The following FYN variants were observed in gnomAD, a reference collection of about 807,000 sequenced individuals.
FYN encodes FYN proto-oncogene, Src family tyrosine kinase.
FYN carries 10 observed loss-of-function variants against 70.2 expected under a neutral mutation model. The observed-to-expected ratio is 0.14, with a 90% CI of 0.09 to 0.24. FYN has a LOEUF of 0.24. Ranked by LOEUF, FYN falls within the 10% of genes least tolerant of loss-of-function variation. The pLI is 1.00. For synonymous variants in FYN, 236 were observed against 248.6 expected (o/e 0.95, Z 0.48); for missense variants, 319 against 673.1 (o/e 0.47, Z 5.82).
chr6:111,828,793 A>C (rs1772919540), intron 2 of FYN, among the ~76,000 whole-genome samples: 1 of 152,250 alleles, frequency 6.6e-6, no homozygotes, highest in Non-Finnish European at 1.5e-5. Context: ...TATGGATTTT[A>C]AGTTTTCCAA....
At chr6:111,762,820 T>C (rs1803061724) in intron 3 of FYN, among the ~76,000 whole-genome samples, 1 of 152,054 alleles carries the variant, frequency 6.6e-6, no homozygotes, top group African/African-American at 2.4e-5. Flanking sequence ...CCTTGCATAA[T>C]TTTTGTGATA....
chr6:111,714,029 G>A (rs137893704), intron 5 of FYN, among the ~76,000 whole-genome samples: 8 of 152,362 alleles, frequency 5.3e-5, no homozygotes, highest in African/African-American at 1.7e-4. Flanking sequence ...ACTTGAAACT[G>A]TAGGTTTGTA....
intron 2 of FYN, among the ~76,000 whole-genome samples, chr6:111,822,638 A>ACT (rs1167131155): frequency 6.6e-6 from 1 of 151,384 alleles, no homozygotes; most frequent in Non-Finnish European, 1.5e-5. Flanking sequence ...ATATATATAT[A>ACT]TAAAATTTAA....
At chr6:111,822,983 CG>C (rs1002005315) in intron 2 of FYN, among the ~76,000 whole-genome samples, 9 of 152,132 alleles carry the variant, frequency 5.9e-5, no homozygotes, top group African/African-American at 2.2e-4. Context: ...AGGGTAAAAA[CG>C]GGGTGTAAGG....
chr6:111,717,306 A>G (rs372454239), intron 4 of FYN, among the ~76,000 whole-genome samples: 90 of 152,302 alleles, frequency 5.9e-4, no homozygotes, highest in African/African-American at 2.1e-3. Context: ...AAAAAAAGAA[A>G]TTAAATGTGT....
At chr6:111,695,152 A>G (rs1457752534) in intron 10 of FYN, among the ~76,000 whole-genome samples, 2 of 152,204 alleles carry the variant, frequency 1.3e-5, no homozygotes, top group African/African-American at 4.8e-5. Flanking sequence ...AGATATGCAA[A>G]TTCTCAGGTC....
intron 3 of FYN, among the ~76,000 whole-genome samples, chr6:111,759,601 C>T (rs112950424): frequency 6.6e-6 from 1 of 152,174 alleles, no homozygotes; most frequent in Non-Finnish European, 1.5e-5. Context: ...GGTTCCCCCC[C>T]TAGGGGTTCT....
intron 7 of FYN, among the ~76,000 whole-genome samples, chr6:111,703,413 G>A (rs920497495): frequency 2.6e-5 from 4 of 152,150 alleles, no homozygotes; most frequent in Non-Finnish European, 4.4e-5. Flanking sequence ...GGGCATACTG[G>A]GAGGTAGCAG....
chr6:111,815,138 A>G lies in FYN; in HGVS notation c.-82+31451T>C, dbSNP rs528862939. On this transcript the variant is annotated intron_variant, in intron 2 of 13. Coordinates refer to ENST00000354650, the MANE Select transcript of FYN (RefSeq NM_002037.5). ...ATCCAGCTCAATCACACTGGATGAG[A>G]GCTGGAGAGCTGAGAAAGGTTCAGA... Among the ~76,000 whole-genome samples the G allele has an allele frequency of 5.7e-4, 87 of 152,292 alleles. 1 individual carries two copies. The Middle Eastern group carries it at 0.017, about 30-fold the overall frequency.
rs115860984 is a variant in FYN at position 111,833,731 on chromosome 6, G to A, written c.-82+12858C>T. On this transcript the variant is annotated intron_variant, in intron 2 of 13. Transcript: ENST00000354650. ...CTTAAAAGTTAATGTTTTTTCGTGC[G>A]AATGTCAAGTGGTACAACCACTTTG... Among the ~76,000 whole-genome samples, 618 of 152,110 alleles carry A rather than the reference G, an allele frequency of 4.1e-3. 7 individuals are homozygous for A. Among genetic ancestry groups the A allele is most frequent in the African/African-American group, 0.014 (593 of 41,488 alleles).
chr6:111,762,047 G>A (rs776344590), intron 3 of FYN, among the ~76,000 whole-genome samples: 90 of 152,274 alleles, frequency 5.9e-4, no homozygotes, highest in South Asian at 1.7e-3. Flanking sequence ...GCTTCAACAC[G>A]TAGGCTGTGT....
intron 5 of FYN, among the ~76,000 whole-genome samples, chr6:111,711,210 C>A (rs706881): frequency 6.6e-6 from 1 of 151,860 alleles, no homozygotes; most frequent in Non-Finnish European, 1.5e-5. Flanking sequence ...CATTTTATGT[C>A]GGTAACAATT....
intron 2 of FYN, among the ~76,000 whole-genome samples, chr6:111,796,767 C>T (rs1771818008): frequency 6.6e-6 from 1 of 152,128 alleles, no homozygotes; most frequent in Admixed American, 6.5e-5. Flanking sequence ...GAAATCCCCT[C>T]GTGGGTAAGG....
chr6:111,673,769 G>A (rs543187020), intron 13 of FYN, among the ~76,000 whole-genome samples: 20 of 152,162 alleles, frequency 1.3e-4, no homozygotes, highest in Non-Finnish European at 1.9e-4. Flanking sequence ...CCACTAAAGC[G>A]TGGAGGTGAA....
chr6:111,734,149 C>A (rs900143831), intron 3 of FYN, among the ~76,000 whole-genome samples: 2 of 152,126 alleles, frequency 1.3e-5, no homozygotes, highest in Middle Eastern at 3.2e-3. Context: ...AGGAGCCCTC[C>A]AGGGTTCACA....
At chr6:111,711,012 C>T (rs558978978) in intron 5 of FYN, among the ~76,000 whole-genome samples, 1 of 152,206 alleles carries the variant, frequency 6.6e-6, no homozygotes, top group South Asian at 2.1e-4. Flanking sequence ...GTCTCTGTTC[C>T]TCTGATTTAA....
At chr6:111,710,471 A>G (rs1192173412) in intron 5 of FYN, among the ~76,000 whole-genome samples, 1 of 152,216 alleles carries the variant, frequency 6.6e-6, no homozygotes, top group Non-Finnish European at 1.5e-5. Flanking sequence ...TTCTGAAGTC[A>G]TGAATCAGGA....
Position 111,702,886 on chromosome 6 carries a change from T to C in FYN, c.696A>G (p.Ser232=). The change falls in exon 8 of 14, where the codon TCA becomes TCG. Residue 232 remains serine (S), a splice_region_variant and synonymous_variant. Coordinates refer to ENST00000354650, the MANE Select transcript of FYN (RefSeq NM_002037.5). Reference sequence around the variant, plus strand: ...GTAGGTAGTTAGAATTAAGGTTACCTGAGTAATGTTGTACAAGCTGCTGAA... The same window carrying C: ...GTAGGTAGTTAGAATTAAGGTTACCCGAGTAATGTTGTACAAGCTGCTGAA... The part of the protein sequence containing the change: ...ETLQQLVQHY[S]ERAAGLCCRL... The C allele has an allele frequency of 6.2e-7, 1 of 1,613,548 alleles. No individual in the cohort carries two copies.
chr6:111,714,181 A>T (rs1394279957), intron 5 of FYN, among the ~76,000 whole-genome samples, 166 bp downstream of exon 5: 1 of 152,210 alleles, frequency 6.6e-6, no homozygotes, highest in African/African-American at 2.4e-5. Context: ...AAAATACTGC[A>T]CTGTGTCACT....
Sources: allele counts gnomAD v4.1 joint callset (sites outside exome capture counted in the v4.1 genomes callset), GRCh38; gene constraint gnomAD v4.1.1; transcripts MANE v1.5; gene names NCBI Gene and HGNC (gene_info 2026-07-23, HGNC 2026-07-21).